MALRD1: variants seen among roughly 807,000 people sequenced by gnomAD.
MALRD1 encodes MAM and LDL receptor class A domain containing 1, also known as MAM and LDL-receptor class A domain-containing protein 1.
A neutral mutation model predicts 242.1 loss-of-function variants in MALRD1; 247 were observed. The ratio of observed to expected loss-of-function variants is 1.02; its 90% confidence interval spans 0.92 to 1.13. The LOEUF is 1.13. Among genes scored for constraint, MALRD1 ranks in the 50% most tolerant of loss-of-function variants. The probability of loss-of-function intolerance (pLI) is 0.00; values close to 1 mark genes in which losing one functional copy is unlikely to be tolerated. For synonymous variants in MALRD1, 995 were observed against 866.6 expected (o/e 1.15, Z -2.60); for missense variants, 2,989 against 2,533.1 (o/e 1.18, Z -3.86).
At chr10:19,558,985 A>C (rs1187643770) in intron 32 of MALRD1, among the ~76,000 whole-genome samples, 1 of 151,918 alleles carries the variant, frequency 6.6e-6, no homozygotes, top group Non-Finnish European at 1.5e-5. Context: ...GGGATTCGAG[A>C]CCAGCCTGGC....
At chr10:19,426,355 C>T (rs1833902659) in intron 28 of MALRD1, among the ~76,000 whole-genome samples, 1 of 152,132 alleles carries the variant, frequency 6.6e-6, no homozygotes, top group Non-Finnish European at 1.5e-5. Flanking sequence ...TGAAAGAGTT[C>T]AGTTCATTTG....
chr10:19,320,041 C>CTTTTTTTTTTTTTTTT (rs34481531), intron 21 of MALRD1, among the ~76,000 whole-genome samples: 1 of 73,070 alleles, frequency 1.4e-5, no homozygotes, highest in Non-Finnish European at 2.4e-5. Context: ...TATAAAACTG[C>CTTTTTTTTTTTTTTTT]TTTTTTTTTT....
At chr10:19,264,467 T>TG (rs1406070304) in intron 19 of MALRD1, among the ~76,000 whole-genome samples, 1 of 148,336 alleles carries the variant, frequency 6.7e-6, no homozygotes, top group East Asian at 2.0e-4. Flanking sequence ...TTTTTTTTTT[T>TG]TTTTGAGACG....
intron 26 of MALRD1, among the ~76,000 whole-genome samples, chr10:19,383,899 C>T (rs369306284): frequency 6.6e-5 from 10 of 151,666 alleles, no homozygotes; most frequent in East Asian, 3.9e-4. Flanking sequence ...AATTAAAGTG[C>T]GGTGAGTGCT....
intron 14 of MALRD1, among the ~76,000 whole-genome samples, chr10:19,187,331 G>A (rs930677171): frequency 2.0e-5 from 3 of 152,160 alleles, no homozygotes; most frequent in Admixed American, 2.0e-4. Flanking sequence ...GGCAATGGGG[G>A]AAGGCAAGGG....
At chr10:19,602,449 G>GA (rs1554811146) in intron 34 of MALRD1, among the ~76,000 whole-genome samples, 1 of 145,862 alleles carries the variant, frequency 6.9e-6, no homozygotes, top group Non-Finnish European at 1.5e-5. Context: ...CGCGGTGTTT[G>GA]TTTTTTTTTC....
chr10:19,122,341 A>G (rs748803967), intron 5 of MALRD1, among the ~76,000 whole-genome samples: 6 of 152,214 alleles, frequency 3.9e-5, no homozygotes, highest in Non-Finnish European at 7.3e-5. Context: ...CGTTATCATC[A>G]TTAGTAATGG....
chr10:19,547,800 ATATATATATATATATATATTTTTTTTTT>A (rs1835282287), intron 32 of MALRD1, among the ~76,000 whole-genome samples: 1 of 15,034 alleles, frequency 6.7e-5, no homozygotes, highest in African/African-American at 1.5e-4. Flanking sequence ...ATATATATAT[ATATATATATATATATATATTTTTTTTTT>A]TTTTTTTTTT....
In MALRD1 at chr10:19,051,948, A is replaced by AC. The variant is rs1219522604; in HGVS notation, c.199+2811_199+2812insC. Reference sequence around the variant, plus strand: ...AAAAAAAAAAAAAAAAAAAAAAAAAAAAAAGGAAAGCCAAATATACAGCCT... The same window carrying AC: ...AAAAAAAAAAAAAAAAAAAAAAAAAACAAAAGGAAAGCCAAATATACAGCCT... On this transcript the variant is annotated intron_variant, in intron 1 of 39. Transcript: ENST00000454679. 597 of 169,738 alleles carry AC rather than the reference A, an allele frequency of 3.5e-3. 35 individuals carry two copies. Among genetic ancestry groups the AC allele is most frequent in the African/African-American group, 0.013 (434 of 33,998 alleles). 10.5% of individuals were successfully genotyped at this position (169,738 alleles called of 1,614,324 possible).
chr10:19,128,889 G>C (rs541267892), intron 8 of MALRD1, among the ~76,000 whole-genome samples: 2 of 152,008 alleles, frequency 1.3e-5, no homozygotes, highest in African/African-American at 2.4e-5. Flanking sequence ...CAATATGCTC[G>C]ATGAGTTCTA....
intron 28 of MALRD1, among the ~76,000 whole-genome samples, chr10:19,413,956 A>C (rs1358007594): frequency 3.0e-5 from 4 of 132,670 alleles, no homozygotes; most frequent in Non-Finnish European, 5.2e-5. Flanking sequence ...GTCTCAAAAA[A>C]ACAAAAACCA....
At chr10:19,394,486 A>G (rs1230586330) in intron 28 of MALRD1, among the ~76,000 whole-genome samples, 2 of 152,164 alleles carry the variant, frequency 1.3e-5, no homozygotes, top group Non-Finnish European at 2.9e-5. Context: ...AAAAGAAGCT[A>G]GCTTCCTTTG....
intron 26 of MALRD1, among the ~76,000 whole-genome samples, chr10:19,356,139 A>G (rs1385380790): frequency 6.6e-6 from 1 of 151,692 alleles, no homozygotes; most frequent in African/African-American, 2.4e-5. Context: ...GTTACAGGAC[A>G]TCTTTCTTGG....
At chr10:19,189,317 A>C (rs1208250165) in intron 14 of MALRD1, among the ~76,000 whole-genome samples, 1 of 152,148 alleles carries the variant, frequency 6.6e-6, no homozygotes, top group East Asian at 1.9e-4. Context: ...TGAATAATAA[A>C]AGATCTGCTA....
At chr10:19,498,856 A>G (rs1487230539) in intron 31 of MALRD1, among the ~76,000 whole-genome samples, 1 of 152,066 alleles carries the variant, frequency 6.6e-6, no homozygotes, top group Non-Finnish European at 1.5e-5. Flanking sequence ...GCAACTCATG[A>G]CTCATATTTT....
intron 31 of MALRD1, among the ~76,000 whole-genome samples, chr10:19,510,971 G>A (rs1400242744): frequency 6.6e-6 from 1 of 152,130 alleles, no homozygotes; most frequent in East Asian, 1.9e-4. Context: ...CAGCCAACAG[G>A]TAGTCCAAAA....
chr10:19,145,083 A>C (rs1264193683), intron 10 of MALRD1, among the ~76,000 whole-genome samples: 2 of 152,156 alleles, frequency 1.3e-5, no homozygotes, highest in Non-Finnish European at 2.9e-5. Context: ...GTACTAAGAT[A>C]GTCTGATACT....
At chr10:19,050,000 G>C (rs145039471) in intron 1 of MALRD1, among the ~76,000 whole-genome samples, 429 of 151,404 alleles carry the variant, frequency 2.8e-3, no homozygotes, top group African/African-American at 9.9e-3. Flanking sequence ...CTCATTGAGA[G>C]TTCATAGTAG....
Position 19,518,485 on chromosome 10 carries a change from AT to A in MALRD1, c.5321-12703del, listed in dbSNP as rs376735267. Among the ~76,000 whole-genome samples the A allele has an allele frequency of 2.6e-3, 402 of 151,980 alleles. 7 individuals carry two copies. The East Asian group carries it at 0.05, about 19-fold the overall frequency. Reference sequence around the variant, plus strand: ...ATAATGTCAAAGTTGATATTTTATTATTTTTTGAAATTACAGAGTCTCTACT... The same window carrying A: ...ATAATGTCAAAGTTGATATTTTATTATTTTTGAAATTACAGAGTCTCTACT... On this transcript the variant is annotated intron_variant, in intron 31 of 39. Coordinates refer to ENST00000454679, the MANE Select transcript of MALRD1 (RefSeq NM_001142308.3).
Sources: allele counts gnomAD v4.1 joint callset (sites outside exome capture counted in the v4.1 genomes callset), GRCh38; gene constraint gnomAD v4.1.1; transcripts MANE v1.5; gene names NCBI Gene and HGNC (gene_info 2026-07-23, HGNC 2026-07-21).